ST14: variants seen among roughly 807,000 people sequenced by gnomAD.
ST14 encodes the protein suppressor of tumorigenicity 14 protein.
ST14 carries 40 observed loss-of-function variants against 96.5 expected under a neutral mutation model. That is an observed-to-expected ratio of 0.41 (90% confidence interval 0.32 to 0.54). The LOEUF is 0.54. ST14 is among the 20% of genes least tolerant of loss of function. The probability of loss-of-function intolerance (pLI) is 0.17; values close to 1 mark genes in which losing one functional copy is unlikely to be tolerated. For missense variants in ST14, 1,066 were observed against 1,188.9 expected, an observed-to-expected ratio of 0.90 and a Z score of 1.52; for synonymous variants, 506 against 492.1, an observed-to-expected ratio of 1.03 and a Z score of -0.37.
At chr11:130,177,898 C>G in intron 1 of ST14, among the ~76,000 whole-genome samples, 1 of 152,258 alleles carries the variant, frequency 6.6e-6, no homozygotes, top group Admixed American at 6.5e-5. Context: ...TGCCAATTCT[C>G]ATGAGCGGTG....
At position 130,160,027 on chromosome 11, in the gene ST14, C is replaced by A. The variant is rs1591873054; in HGVS notation, c.48C>A (p.Phe16Leu). Residue 16 changes from phenylalanine to leucine, a missense_variant, in exon 1 of 19, where the codon TTC becomes TTA. Coordinates refer to ENST00000278742, the MANE Select transcript of ST14 (RefSeq NM_021978.4). ...AGGGCGGAGGGGGCCCGAAGGACTT[C>A]GGCGCGGGACTCAAGTACAACTCCC... is the stretch of plus-strand genomic sequence containing the variant. ...ARKGGGGPKD[F>L]GAGLKYNSRH... 1 of 1,431,878 alleles carries A rather than the reference C, an allele frequency of 7.0e-7. No individual in the cohort carries two copies. The highest frequency in any genetic ancestry group is 3.1e-5 in the East Asian group (1 of 32,570). 88.7% of individuals were successfully genotyped at this position (1,431,878 alleles called of 1,614,324 possible).
chr11:130,192,968 T>C (rs1953319676), intron 7 of ST14, among the ~76,000 whole-genome samples: 1 of 152,192 alleles, frequency 6.6e-6, no homozygotes, highest in Non-Finnish European at 1.5e-5. Context: ...CCATGAGATG[T>C]TGGGCAAGTT....
Position 130,210,115 on chromosome 11 carries a change from G to T in ST14, c.*292G>T. The T allele has an allele frequency of 4.6e-6, 2 of 432,684 alleles. No individual in the cohort carries two copies. Among genetic ancestry groups the T allele is most frequent in the Non-Finnish European group, 8.5e-6 (2 of 236,500 alleles). The allele number at this position is 432,684 out of a possible 1,614,324, so 26.8% of individuals were successfully genotyped here. A position where few individuals can be genotyped will look rare whatever the true frequency, so the allele number is the denominator to read the frequency against. The stretch of plus-strand genomic sequence containing the variant: ...CCAGCCCCAAGCTGGGCCGAGGCGC[G>T]TTTGTGCATATCTGCCTCCCCTGTC... On this transcript the variant is annotated 3_prime_UTR_variant, in exon 19 of 19. Transcript: ENST00000278742.
In ST14 at chr11:130,188,300, G is replaced by T. The variant is rs1271374411; in HGVS notation, c.241+27G>T. On this transcript the variant is annotated intron_variant, in intron 2 of 18. Coordinates refer to ENST00000278742, the MANE Select transcript of ST14 (RefSeq NM_021978.4). This position sits in a 1 kb window ranked among gnomAD's most constrained non-coding sequence, Gnocchi z 5.4. Reference sequence around the variant, plus strand: ...TGAGTAAAGCTGGGGCTGGCTCCGGGGAGGACGACAAGGGGTGGCTGTCCC... The same window carrying T: ...TGAGTAAAGCTGGGGCTGGCTCCGGTGAGGACGACAAGGGGTGGCTGTCCC... The T allele has an allele frequency of 3.7e-6, 6 of 1,605,216 alleles. No individual in the cohort carries two copies. Among genetic ancestry groups the T allele is most frequent in the East Asian group, 2.2e-5 (1 of 44,806 alleles).
intron 1 of ST14, among the ~76,000 whole-genome samples, chr11:130,168,568 T>C (rs1953061873): frequency 6.6e-6 from 1 of 152,158 alleles, no homozygotes; most frequent in Admixed American, 6.5e-5. Context: ...ATACTCGTAC[T>C]AAGGAAAATG....
At chr11:130,189,127 G>T (rs1953268829) in intron 4 of ST14, among the ~76,000 whole-genome samples, 188 bp downstream of exon 4, 1 of 152,234 alleles carries the variant, frequency 6.6e-6, no homozygotes, top group South Asian at 2.1e-4. Flanking sequence ...CATGGCAAAG[G>T]TGCCTGTAGC....
chr11:130,177,247 T>G (rs1264510519), intron 1 of ST14, among the ~76,000 whole-genome samples: 1 of 152,030 alleles, frequency 6.6e-6, no homozygotes, highest in Non-Finnish European at 1.5e-5. Context: ...ATAATTGGCT[T>G]CCTCTTCTTT....
chr11:130,199,109 C>T (rs1953402215), intron 15 of ST14, 40 bp downstream of exon 15: 1 of 1,599,496 alleles, frequency 6.3e-7, no homozygotes, highest in Non-Finnish European at 8.5e-7. Context: ...AGGTTGTTCA[C>T]TGTGTGAAGT....
In ST14 at chr11:130,199,470, G is replaced by A. The variant is rs553894185; in HGVS notation, c.1807+401G>A. On this transcript the variant is annotated intron_variant, in intron 15 of 18. Transcript: ENST00000278742. ...TCTGCAGCCTCTGTGTTTCAGAAGC[G>A]TTGGCTGGCCACAGGTTAGATTTGA... is the stretch of plus-strand genomic sequence containing the variant. Among the ~76,000 whole-genome samples, 201 of 152,328 alleles carry A rather than the reference G, an allele frequency of 1.3e-3. 1 individual carries two copies. Among genetic ancestry groups the A allele is most frequent in the South Asian group, 3.1e-3 (15 of 4,830 alleles).
Position 130,188,088 on chromosome 11 carries a change from G to A in ST14, c.82-26G>A. 6.2e-7 allele frequency: 1 copy of A among 1,613,610 alleles called. No individual in the cohort carries two copies. The highest frequency in any genetic ancestry group is 8.5e-7 in the Non-Finnish European group (1 of 1,179,772). ...AGGGGAAGAGCGGGTGAGAGGGTCT[G>A]AGTGGTGGCGCCTCTCTCCCTGCAG... is the stretch of plus-strand genomic sequence containing the variant. On this transcript the variant is annotated intron_variant, in intron 1 of 18. Transcript: ENST00000278742. The surrounding 1 kb of genome is among the most constrained non-coding windows in gnomAD (Gnocchi z 5.4).
At chr11:130,194,015 A>C (rs1477882536) in intron 7 of ST14, 134 bp from the exon 8 acceptor site, 42 of 1,144,196 alleles carry the variant, frequency 3.7e-5, no homozygotes, top group Non-Finnish European at 4.7e-5. Context: ...TTTTGACTCC[A>C]TTCTTGGCCT....
intron 9 of ST14, among the ~76,000 whole-genome samples, chr11:130,195,938 C>T (rs1036921758): frequency 1.3e-5 from 2 of 151,750 alleles, no homozygotes; most frequent in Non-Finnish European, 2.9e-5. Flanking sequence ...GGGCAGATCA[C>T]CTGAGGTCAG....
intron 12 of ST14, 142 bp from the exon 13 acceptor site, chr11:130,198,166 C>T (rs1953388134): frequency 2.1e-6 from 2 of 944,758 alleles, no homozygotes; most frequent in Non-Finnish European, 3.5e-6. Context: ...CTGAGGTCAG[C>T]TTGGTAGCTG....
chr11:130,187,978 G>A lies in ST14; in HGVS notation c.82-136G>A. 8.0e-7 allele frequency: 1 copy of A among 1,249,132 alleles called. No homozygotes were observed. The highest frequency in any genetic ancestry group is 1.1e-6 in the Non-Finnish European group (1 of 893,762). 77.4% of individuals were successfully genotyped at this position (1,249,132 alleles called of 1,614,324 possible). On this transcript the variant is annotated intron_variant, in intron 1 of 18. Coordinates refer to ENST00000278742, the MANE Select transcript of ST14 (RefSeq NM_021978.4). The surrounding 1 kb of genome is among the most constrained non-coding windows in gnomAD (Gnocchi z 4.5). Reference sequence around the variant, plus strand: ...GGCAGTGGTCCCCATGCCTCTGGGGGAAGCCCCCTTCTTCTCACCCAAGCC... The same window carrying A: ...GGCAGTGGTCCCCATGCCTCTGGGGAAAGCCCCCTTCTTCTCACCCAAGCC...
At position 130,159,960 on chromosome 11, in the gene ST14, C is replaced by A; in HGVS notation, c.-20C>A. 1.7e-5 allele frequency: 23 copies of A among 1,315,198 alleles called. No homozygotes were observed. The highest frequency in any genetic ancestry group is 1.9e-5 in the Non-Finnish European group (19 of 1,020,106). The allele number at this position is 1,315,198 out of a possible 1,614,324, so 81.5% of individuals were successfully genotyped here. On this transcript the variant is annotated 5_prime_UTR_variant, in exon 1 of 19. Coordinates refer to ENST00000278742, the MANE Select transcript of ST14 (RefSeq NM_021978.4). The stretch of plus-strand genomic sequence containing the variant: ...CGGCAGGGACGACGCCTGTGAGACC[C>A]GCGAGCGGCCTCGGGGACCATGGGG...
At chr11:130,179,760 A>T (rs908575008) in intron 1 of ST14, among the ~76,000 whole-genome samples, 14 of 152,174 alleles carry the variant, frequency 9.2e-5, no homozygotes, top group African/African-American at 3.1e-4. Flanking sequence ...GGGGACAAAC[A>T]CAGAGTTTGT....
In ST14 at chr11:130,196,604, A is replaced by G. The variant is rs976934908; in HGVS notation, c.1258A>G (p.Ser420Gly). The change falls in exon 11 of 19, where the codon AGC (serine) becomes GGC (glycine). Residue 420 changes from serine to glycine, a missense_variant. Coordinates refer to ENST00000278742, the MANE Select transcript of ST14 (RefSeq NM_021978.4). ...AGAGAGGTCCCAGTTCGTCGTCACC[A>G]GCAACAGCAACAAGATCACAGTTCG... ...CGERSQFVVT[S>G]NSNKITVRFH... The G allele has an allele frequency of 5.0e-6, 8 of 1,597,740 alleles. No individual in the cohort carries two copies. The highest frequency in any genetic ancestry group is 1.1e-5 in the South Asian group (1 of 90,752).
intron 16 of ST14, among the ~76,000 whole-genome samples, chr11:130,205,711 G>GTTTT (rs1384712236): frequency 3.9e-5 from 3 of 76,000 alleles, no homozygotes; most frequent in African/African-American, 1.2e-4. Flanking sequence ...TTTTTTTTTT[G>GTTTT]TTTTTTTTTT....
chr11:130,209,858 G>T lies in ST14; in HGVS notation c.*35G>T. ...CCACCCAAATGTGTACACCTGCGGG[G>T]CCACCCATCGTCCACCCCAGTGTGC... On this transcript the variant is annotated 3_prime_UTR_variant, in exon 19 of 19. Transcript: ENST00000278742. 1 of 1,609,162 alleles carries T rather than the reference G, an allele frequency of 6.2e-7. No individual in the cohort carries two copies.
Sources: gnomAD v4.1 joint callset for allele counts (sites outside exome capture counted in the v4.1 genomes callset) on GRCh38, gnomAD v4.1.1 for gene constraint, Gnocchi (gnomAD v3.1) non-coding constraint, MANE v1.5 for transcripts, NCBI Gene and HGNC (gene_info 2026-07-23, HGNC 2026-07-21) for gene names.